The following ADGRL4 variants were observed in gnomAD, a reference collection of about 807,000 sequenced individuals.
The protein encoded by ADGRL4 is adhesion G protein-coupled receptor L4.
In ADGRL4, 90 loss-of-function variants were observed where a neutral mutation model predicts 74.8. That is an observed-to-expected ratio of 1.20 (90% CI 1.02 to 1.43). The LOEUF (loss-of-function observed/expected upper bound fraction) is 1.43. Among genes scored for constraint, ADGRL4 ranks in the 40% most tolerant of loss-of-function variants. The pLI is 0.00. For synonymous variants in ADGRL4, 311 were observed against 279.2 expected (o/e 1.11, Z -1.14); for missense variants, 881 against 814.3 (o/e 1.08, Z -1.00).
chr1:78,999,433 C>A (rs1460369252), intron 2 of ADGRL4, among the ~76,000 whole-genome samples: 2 of 152,110 alleles, frequency 1.3e-5, no homozygotes, highest in Non-Finnish European at 2.9e-5. Flanking sequence ...ATTAGCCCGG[C>A]GTCGTGGCAG....
At chr1:78,996,320 A>T (rs1650713336) in intron 2 of ADGRL4, among the ~76,000 whole-genome samples, 1 of 144,430 alleles carries the variant, frequency 6.9e-6, no homozygotes, top group Non-Finnish European at 1.5e-5. Flanking sequence ...CTAGATATGG[A>T]GCTGCCTGAT....
intron 1 of ADGRL4, among the ~76,000 whole-genome samples, chr1:79,005,716 G>GT (rs1344290777): frequency 6.6e-6 from 1 of 151,784 alleles, no homozygotes; most frequent in East Asian, 1.9e-4. Flanking sequence ...TGCACTTGCT[G>GT]TTTTTTTCTG....
chr1:78,917,839 G>T lies in ADGRL4; in HGVS notation c.1673C>A (p.Thr558Lys). 6.2e-7 allele frequency: 1 copy of T among 1,612,052 alleles called. No individual in the cohort carries two copies. Among genetic ancestry groups the T allele is most frequent in the Non-Finnish European group, 8.5e-7 (1 of 1,178,610 alleles). The change falls in exon 11 of 15, where the codon ACA becomes AAA. Residue 558 changes from threonine to lysine, a missense_variant. Transcript: ENST00000370742. ...AATCATTTTAACTTACACTTTGGTT[G>T]TGCCATAATATCTGTATCCTAGTGC... ...SAALGYRYYG[T>K]TKVCWLSTEN...
chr1:78,944,716 A>C (rs1208769050), intron 3 of ADGRL4, among the ~76,000 whole-genome samples: 1 of 152,212 alleles, frequency 6.6e-6, no homozygotes, highest in African/African-American at 2.4e-5. Flanking sequence ...CTGTGAGTGT[A>C]GCCTTACCTT....
In ADGRL4 at chr1:78,917,890, G is replaced by T; in HGVS notation, c.1622C>A (p.Pro541Gln). 1 of 1,612,590 alleles carries T rather than the reference G, an allele frequency of 6.2e-7. No homozygotes were observed. The highest frequency in any genetic ancestry group is 2.2e-5 in the East Asian group (1 of 44,790). ...TGCCGAAAATCCAACTACCACGGCT[G>T]GGCTTAGATAGCCAAAGATATAAAA... Reference protein sequence around the residue: ...KNFYIFGYLSPAVVVGFSAAL... With the variant: ...KNFYIFGYLSQAVVVGFSAAL... The change falls in exon 11 of 15, where the codon CCA (proline) becomes CAA (glutamine). Residue 541 changes from proline (P) to glutamine (Q), a missense_variant. By Grantham distance (76) the Pro-to-Gln change is moderately conservative. Transcript: ENST00000370742.
At chr1:78,999,511 G>T (rs1238687989) in intron 2 of ADGRL4, among the ~76,000 whole-genome samples, 1 of 152,082 alleles carries the variant, frequency 6.6e-6, no homozygotes, top group African/African-American at 2.4e-5. Context: ...AGGCGGAGCT[G>T]GCAGTAAGCT....
intron 2 of ADGRL4, among the ~76,000 whole-genome samples, chr1:78,969,534 C>T (rs571071029): frequency 1.3e-5 from 2 of 152,250 alleles, no homozygotes; most frequent in East Asian, 3.9e-4. Context: ...TATGGCTGGG[C>T]TCGGCTTTAA....
At chr1:78,990,389 A>C (rs1449740001) in intron 2 of ADGRL4, among the ~76,000 whole-genome samples, 1 of 151,926 alleles carries the variant, frequency 6.6e-6, no homozygotes, top group Admixed American at 6.6e-5. Context: ...AATCACTGGA[A>C]TCTTCTATTA....
At position 78,892,888 on chromosome 1, in the gene ADGRL4, T is replaced by G. The variant is rs189729520; in HGVS notation, c.1841+210A>C. 1.3e-3 allele frequency among the ~76,000 whole-genome samples: 194 copies of G among 152,060 alleles called. 1 individual carries two copies. The highest frequency in any genetic ancestry group is 4.4e-3 in the African/African-American group (182 of 41,526). ...GTCTTTTCCCTTTCAAAGGGGTGTA[T>G]GTTTGAAAAAATTGCTTCTTACCAC... On this transcript the variant is annotated intron_variant, in intron 13 of 14. Coordinates refer to ENST00000370742, the MANE Select transcript of ADGRL4 (RefSeq NM_022159.4).
intron 2 of ADGRL4, among the ~76,000 whole-genome samples, chr1:78,965,998 AAAAAAAC>A (rs1650048552): frequency 6.6e-6 from 1 of 152,076 alleles, no homozygotes; most frequent in African/African-American, 2.4e-5. Context: ...AACCAAAAAA[AAAAAAAC>A]AAAAACAAAA....
intron 7 of ADGRL4, 23 bp downstream of exon 7, chr1:78,936,272 C>G (rs1649350138): frequency 6.3e-7 from 1 of 1,576,802 alleles, no homozygotes; most frequent in African/African-American, 1.4e-5. Flanking sequence ...GATATATTGT[C>G]TGTTAGATTG....
chr1:78,919,890 G>T (rs530092035), intron 10 of ADGRL4, among the ~76,000 whole-genome samples: 1 of 151,698 alleles, frequency 6.6e-6, no homozygotes, highest in Non-Finnish European at 1.5e-5. Flanking sequence ...TTTGTTTAAC[G>T]TCCATTTAAA....
At chr1:78,952,562 A>T (rs1179589198) in intron 2 of ADGRL4, among the ~76,000 whole-genome samples, 2 of 152,094 alleles carry the variant, frequency 1.3e-5, no homozygotes, top group African/African-American at 4.8e-5. Flanking sequence ...AAGGAAAGAA[A>T]AAAAAAGAAC....
rs533963041 is a variant in ADGRL4 at position 78,999,407 on chromosome 1, C to A, written c.172+5663G>T. On this transcript the variant is annotated intron_variant, in intron 2 of 14. Transcript: ENST00000370742. ...TGTATTATAATCCACATTTAGAATACAATTTTTTACAAACAATTAGCCCGG... is the reference window on the plus strand; with the variant it reads ...TGTATTATAATCCACATTTAGAATAAAATTTTTTACAAACAATTAGCCCGG... Among the ~76,000 whole-genome samples the A allele has an allele frequency of 8.5e-5, 13 of 152,104 alleles. No individual in the cohort carries two copies. The South Asian group carries it at 1.5e-3, about 17-fold the overall frequency.
At chr1:78,926,406 TAA>T (rs919046679) in intron 8 of ADGRL4, among the ~76,000 whole-genome samples, 4 of 152,022 alleles carry the variant, frequency 2.6e-5, no homozygotes, top group African/African-American at 9.7e-5. Flanking sequence ...GAATAAAAAA[TAA>T]AAGAGTAAAA....
intron 2 of ADGRL4, among the ~76,000 whole-genome samples, chr1:78,976,741 T>C (rs1479577557): frequency 1.3e-5 from 2 of 151,240 alleles, no homozygotes; most frequent in East Asian, 1.9e-4. Flanking sequence ...GAAGAAATAA[T>C]GTGAACAGCA....
intron 2 of ADGRL4, among the ~76,000 whole-genome samples, chr1:78,952,203 A>G (rs533271360): frequency 1.3e-5 from 2 of 152,168 alleles, no homozygotes; most frequent in East Asian, 3.9e-4. Flanking sequence ...ACTCCTGTAC[A>G]CATTTTCCCT....
intron 7 of ADGRL4, among the ~76,000 whole-genome samples, chr1:78,927,858 T>C (rs1649152412): frequency 6.6e-6 from 1 of 152,160 alleles, no homozygotes; most frequent in Non-Finnish European, 1.5e-5. Context: ...TTTTCTCTCT[T>C]AATCTAAAAA....
chr1:78,928,266 G>A (rs890954159), intron 7 of ADGRL4, among the ~76,000 whole-genome samples: 1 of 151,496 alleles, frequency 6.6e-6, no homozygotes, highest in East Asian at 1.9e-4. Context: ...TTGATAAGGG[G>A]TACCACAAAG....
Sources: gnomAD v4.1 joint callset for allele counts (sites outside exome capture counted in the v4.1 genomes callset) on GRCh38, gnomAD v4.1.1 for gene constraint, MANE v1.5 for transcripts, NCBI Gene and HGNC (gene_info 2026-07-23, HGNC 2026-07-21) for gene names.